TCF12: variants seen among roughly 807,000 people sequenced by gnomAD.
The protein encoded by TCF12 is transcription factor 12.
Under a neutral mutation model 86.0 loss-of-function variants are expected in TCF12, and 45 were observed. That is an observed-to-expected ratio of 0.52 (90% CI 0.41 to 0.67). TCF12 has a LOEUF of 0.67. TCF12 is among the 30% of genes least tolerant of loss of function. TCF12 has a pLI of 0.00. For synonymous variants in TCF12, 330 were observed against 299.6 expected (o/e 1.10, Z -1.05); for missense variants, 881 against 859.9 (o/e 1.02, Z -0.31).
chr15:56,934,131 A>G lies in TCF12; in HGVS notation c.148+13033A>G, dbSNP rs137888445. ...TTCTGTTAATTGTATTCCAAACCAT[A>G]GAGCCCCCATATTAGTGCCCTTCAG... On this transcript the variant is annotated intron_variant, in intron 3 of 20. Coordinates refer to ENST00000333725, the MANE Select transcript of TCF12 (RefSeq NM_207037.2). Among the ~76,000 whole-genome samples, 4 of 152,260 alleles carry G rather than the reference A, an allele frequency of 2.6e-5. No homozygotes were observed. In the South Asian group the frequency reaches 6.2e-4, roughly 24 times the overall value.
chr15:57,038,318 C>G (rs2066646743), intron 3 of TCF12, among the ~76,000 whole-genome samples: 1 of 151,978 alleles, frequency 6.6e-6, no homozygotes, highest in African/African-American at 2.4e-5. Context: ...GTCCAAGCTA[C>G]TCAGGGGGCT....
chr15:57,285,281 C>T (rs1460987173), intron 20 of TCF12, among the ~76,000 whole-genome samples: 7 of 151,976 alleles, frequency 4.6e-5, no homozygotes. Flanking sequence ...TTGCTGTGTA[C>T]CTAAACAATA....
chr15:57,009,720 C>G (rs1249350542), intron 3 of TCF12, among the ~76,000 whole-genome samples: 2 of 152,192 alleles, frequency 1.3e-5, no homozygotes, highest in Non-Finnish European at 2.9e-5. Context: ...TAGGACATTT[C>G]TTAATTTCTC....
At chr15:57,138,465 G>C (rs1273808150) in intron 5 of TCF12, among the ~76,000 whole-genome samples, 1 of 152,180 alleles carries the variant, frequency 6.6e-6, no homozygotes, top group African/African-American at 2.4e-5. Flanking sequence ...GGAGTCTGCT[G>C]CCTCCAGTGG....
chr15:57,031,678 C>A (rs1237633536), intron 3 of TCF12, among the ~76,000 whole-genome samples: 11 of 152,148 alleles, frequency 7.2e-5, no homozygotes, highest in Non-Finnish European at 1.5e-4. Flanking sequence ...ACCAGCAAAC[C>A]TCCATGATCC....
intron 3 of TCF12, among the ~76,000 whole-genome samples, chr15:56,925,484 A>G (rs1311583073): frequency 6.6e-6 from 1 of 152,220 alleles, no homozygotes; most frequent in Non-Finnish European, 1.5e-5. Flanking sequence ...AGATGAAGAT[A>G]TCCAACCTTG....
intron 18 of TCF12, among the ~76,000 whole-genome samples, chr15:57,263,979 A>G (rs889126435): frequency 1.3e-5 from 2 of 152,154 alleles, no homozygotes; most frequent in Admixed American, 6.6e-5. Flanking sequence ...ATTTCTGTAC[A>G]CTATTGTAGA....
In TCF12 at chr15:56,966,975, A is replaced by G. The variant is rs191003541; in HGVS notation, c.148+45877A>G. On this transcript the variant is annotated intron_variant, in intron 3 of 20. Transcript: ENST00000333725. ...CTGTCTCTACTAAAATACAAAAATT[A>G]GCCAGGCATGGTGGCAGGTGCTTGT... Among the ~76,000 whole-genome samples, 4 of 152,252 alleles carry G rather than the reference A, an allele frequency of 2.6e-5. No individual in the cohort carries two copies. The East Asian group carries it at 7.7e-4, about 29-fold the overall frequency.
At chr15:57,201,653 A>G (rs1461167924) in intron 8 of TCF12, among the ~76,000 whole-genome samples, 1 of 152,220 alleles carries the variant, frequency 6.6e-6, no homozygotes, top group African/African-American at 2.4e-5. Context: ...TCTATCCTGG[A>G]TAAACAACTC....
chr15:57,180,574 A>G lies in TCF12; in HGVS notation c.391-11584A>G, dbSNP rs1233387914. On this transcript the variant is annotated intron_variant, in intron 6 of 20. Transcript: ENST00000333725. ...CCCCCAAAAAATAAATCTTTTGAACAGCTGCTTGCCTTTATGTATTTAAAA... is the reference window on the plus strand; with the variant it reads ...CCCCCAAAAAATAAATCTTTTGAACGGCTGCTTGCCTTTATGTATTTAAAA... Among the ~76,000 whole-genome samples, 3 of 152,070 alleles carry G rather than the reference A, an allele frequency of 2.0e-5. No individual in the cohort carries two copies. In the East Asian group the frequency reaches 5.8e-4, roughly 29 times the overall value.
intron 3 of TCF12, among the ~76,000 whole-genome samples, chr15:56,970,436 C>T (rs754049745): frequency 1.7e-4 from 24 of 140,250 alleles, no homozygotes; most frequent in Non-Finnish European, 3.2e-4. Flanking sequence ...GCCGAGACCA[C>T]GCCACTGCAC....
At chr15:57,131,995 A>T (rs2052162062) in intron 5 of TCF12, among the ~76,000 whole-genome samples, 1 of 152,022 alleles carries the variant, frequency 6.6e-6, no homozygotes. Context: ...TGGAATCATG[A>T]TATCGTCCAG....
At chr15:57,008,338 A>G (rs8031640) in intron 3 of TCF12, among the ~76,000 whole-genome samples, 35,983 of 151,322 alleles carry the variant, frequency 0.24, 4,919 homozygotes, top group East Asian at 0.4. Flanking sequence ...TGTGTTATAT[A>G]TGGTAACTCC....
At chr15:56,965,333 G>A (rs2061954870) in intron 3 of TCF12, among the ~76,000 whole-genome samples, 2 of 151,972 alleles carry the variant, frequency 1.3e-5, no homozygotes, top group Admixed American at 6.5e-5. Context: ...TGATTTATTA[G>A]AAAATATTGA....
intron 5 of TCF12, among the ~76,000 whole-genome samples, chr15:57,116,098 T>C (rs1212645926): frequency 6.6e-6 from 1 of 152,166 alleles, no homozygotes; most frequent in African/African-American, 2.4e-5. Flanking sequence ...CACCTTATAG[T>C]TGAGGAAACT....
chr15:57,282,416 GT>G (rs781146154), intron 19 of TCF12, 28 bp from the exon 20 acceptor site: 1 of 1,613,860 alleles, frequency 6.2e-7, no homozygotes, highest in Non-Finnish European at 8.5e-7. Flanking sequence ...TAAAACCATA[GT>G]GATAAAAATT....
At chr15:57,197,653 C>T in intron 7 of TCF12, 120 bp from the exon 8 acceptor site, 1 of 1,087,542 alleles carries the variant, frequency 9.2e-7, no homozygotes, top group Non-Finnish European at 1.3e-6. Context: ...TATTTTGCTG[C>T]TTACTCCCAA....
intron 3 of TCF12, among the ~76,000 whole-genome samples, chr15:57,033,924 G>C (rs1183277537): frequency 6.6e-6 from 1 of 152,180 alleles, no homozygotes; most frequent in Non-Finnish European, 1.5e-5. Context: ...TGTAAATGCT[G>C]TTTGCTCTCT....
intron 3 of TCF12, among the ~76,000 whole-genome samples, chr15:56,979,463 T>G (rs752666070): frequency 5.3e-5 from 8 of 152,172 alleles, no homozygotes; most frequent in Non-Finnish European, 1.2e-4. Context: ...TCCTGAGAGA[T>G]GGGCAATGAT....
Sources: gnomAD v4.1 joint callset for allele counts (sites outside exome capture counted in the v4.1 genomes callset) on GRCh38, gnomAD v4.1.1 for gene constraint, MANE v1.5 for transcripts, NCBI Gene and HGNC (gene_info 2026-07-23, HGNC 2026-07-21) for gene names.